The following PPARGC1A variants were observed in gnomAD, a reference collection of about 807,000 sequenced individuals.
The protein encoded by PPARGC1A is PPARG coactivator 1 alpha.
A neutral mutation model predicts 88.7 loss-of-function variants in PPARGC1A; 25 were observed. The observed-to-expected ratio is 0.28, with a 90% CI of 0.21 to 0.39. PPARGC1A has a LOEUF of 0.39. PPARGC1A is among the 10% of genes least tolerant of loss of function. The pLI, the probability that PPARGC1A is intolerant of heterozygous loss-of-function variation, is 1.00. For missense variants in PPARGC1A, 880 were observed against 968.7 expected (o/e 0.91, Z 1.22); for synonymous variants, 363 against 355.6 (o/e 1.02, Z -0.24).
the PPARGC1A span, among the ~76,000 whole-genome samples, chr4:24,109,298 TACACACACACACACACACACAC>T: frequency 7.6e-6 from 1 of 131,800 alleles, no homozygotes; most frequent in African/African-American, 2.9e-5. Context: ...CATTTCATTA[TACACACACACACACACACACAC>T]ACACACACAC....
At chr4:24,169,428 T>C in the PPARGC1A span, among the ~76,000 whole-genome samples, 1 of 152,128 alleles carries the variant, frequency 6.6e-6, no homozygotes, top group South Asian at 2.1e-4. Context: ...TAACTATCAG[T>C]TCACTAATTG....
chr4:24,006,331 G>A, the PPARGC1A span, among the ~76,000 whole-genome samples: 1 of 152,184 alleles, frequency 6.6e-6, no homozygotes, highest in African/African-American at 2.4e-5. Context: ...TTACTGGCAT[G>A]AGGCACTGTG....
At chr4:24,069,612 A>T in the PPARGC1A span, among the ~76,000 whole-genome samples, 12 of 152,196 alleles carry the variant, frequency 7.9e-5, no homozygotes, top group African/African-American at 2.9e-4. Context: ...TCCCCTCCAG[A>T]AATATCTTCT....
chr4:24,103,889 T>G, the PPARGC1A span, among the ~76,000 whole-genome samples: 1 of 152,202 alleles, frequency 6.6e-6, no homozygotes, highest in Non-Finnish European at 1.5e-5. Context: ...ACACAGTATT[T>G]ATGAATTTCC....
chr4:24,175,260 C>T, the PPARGC1A span, among the ~76,000 whole-genome samples: 7 of 151,812 alleles, frequency 4.6e-5, no homozygotes, highest in Non-Finnish European at 4.4e-5. Flanking sequence ...CCCTGGGAGG[C>T]ATGATGGCCC....
At chr4:24,436,479 C>T in the PPARGC1A span, among the ~76,000 whole-genome samples, 2 of 150,748 alleles carry the variant, frequency 1.3e-5, no homozygotes, top group African/African-American at 5.0e-5. Context: ...GGTCACACAG[C>T]TGACATCAAT....
Position 23,813,933 on chromosome 4 carries a change from T to C in PPARGC1A, c.1550A>G (p.Glu517Gly). Residue 517 changes from glutamate to glycine, a missense_variant, in exon 8 of 13, where the codon GAA (glutamate) becomes GGA (glycine). Transcript: ENST00000264867. ...CCAAGGGTAGCTCAGTTTATCACTTTCATCTTCGCTGTCATCAAACAGGCC... is the reference window on the plus strand; with the variant it reads ...CCAAGGGTAGCTCAGTTTATCACTTCCATCTTCGCTGTCATCAAACAGGCC... ...MDGLFDDSED[E>G]SDKLSYPWDG... 1.2e-6 allele frequency: 2 copies of C among 1,614,066 alleles called. No homozygotes were observed. The highest frequency in any genetic ancestry group is 1.1e-5 in the South Asian group (1 of 91,062).
At chr4:23,975,184 A>T in the PPARGC1A span, among the ~76,000 whole-genome samples, 1 of 152,168 alleles carries the variant, frequency 6.6e-6, no homozygotes, top group African/African-American at 2.4e-5. Flanking sequence ...AATCTATCTT[A>T]TTCAACTGTG....
chr4:23,996,852 C>T, the PPARGC1A span, among the ~76,000 whole-genome samples: 11 of 152,234 alleles, frequency 7.2e-5, no homozygotes, highest in African/African-American at 2.2e-4. Context: ...GGTGGCCAAG[C>T]GGATTTGACA....
intron 5 of PPARGC1A, among the ~76,000 whole-genome samples, chr4:23,824,982 T>C (rs1723680886): frequency 6.6e-6 from 1 of 152,120 alleles, no homozygotes; most frequent in South Asian, 2.1e-4. Flanking sequence ...CAGTAACTAT[T>C]CCACTCACTG....
chr4:23,810,931 T>G (rs1488173285), intron 10 of PPARGC1A, among the ~76,000 whole-genome samples: 2 of 152,186 alleles, frequency 1.3e-5, no homozygotes, highest in Non-Finnish European at 2.9e-5. Flanking sequence ...TACAGTGATA[T>G]TAGAAAAATT....
chr4:23,961,546 A>T, the PPARGC1A span, among the ~76,000 whole-genome samples: 1 of 152,142 alleles, frequency 6.6e-6, no homozygotes, highest in South Asian at 2.1e-4. Context: ...TCCCAGAGCA[A>T]CCCATAACAA....
the PPARGC1A span, among the ~76,000 whole-genome samples, chr4:24,269,173 G>A: frequency 6.6e-6 from 1 of 152,014 alleles, no homozygotes; most frequent in Non-Finnish European, 1.5e-5. Context: ...TGCATTTTTT[G>A]TTTTTATGCT....
At chr4:23,964,565 T>C in the PPARGC1A span, among the ~76,000 whole-genome samples, 1 of 152,196 alleles carries the variant, frequency 6.6e-6, no homozygotes. Context: ...TAAAAATGGC[T>C]AATATGCAGG....
At chr4:24,220,095 T>G in the PPARGC1A span, among the ~76,000 whole-genome samples, 1 of 152,064 alleles carries the variant, frequency 6.6e-6, no homozygotes. Context: ...AAAGAAGACA[T>G]ACGAGCAGCC....
At chr4:24,313,451 A>G in the PPARGC1A span, among the ~76,000 whole-genome samples, 14 of 152,350 alleles carry the variant, frequency 9.2e-5, no homozygotes, top group Admixed American at 6.5e-4. Flanking sequence ...CTGATTCCTT[A>G]TAGCCTCATC....
At chr4:24,231,331 A>C in the PPARGC1A span, among the ~76,000 whole-genome samples, 1 of 152,088 alleles carries the variant, frequency 6.6e-6, no homozygotes, top group Admixed American at 6.5e-5. Flanking sequence ...TCAGTCATTC[A>C]CTCATTTTGT....
chr4:23,981,125 A>G, the PPARGC1A span, among the ~76,000 whole-genome samples: 1 of 151,934 alleles, frequency 6.6e-6, no homozygotes, highest in Admixed American at 6.6e-5. Context: ...GCACTTCTAC[A>G]CATATCTCTT....
At chr4:23,924,386 G>C in the PPARGC1A span, among the ~76,000 whole-genome samples, 1 of 151,936 alleles carries the variant, frequency 6.6e-6, no homozygotes, top group South Asian at 2.1e-4. Context: ...CTAGCACTTC[G>C]GGAGGCCGAG....
Sources: gnomAD v4.1 joint callset for allele counts (sites outside exome capture counted in the v4.1 genomes callset) on GRCh38, gnomAD v4.1.1 for gene constraint, MANE v1.5 for transcripts, NCBI Gene and HGNC (gene_info 2026-07-23, HGNC 2026-07-21) for gene names.